Variants in MDGA1 observed in about 807,000 individuals in gnomAD.
MDGA1 encodes the protein MAM domain-containing glycosylphosphatidylinositol anchor protein 1.
MDGA1 carries 54 observed loss-of-function variants against 101.5 expected under a neutral mutation model. The ratio of observed to expected loss-of-function variants is 0.53; its 90% CI spans 0.43 to 0.67. The LOEUF is 0.67. Ranked by LOEUF, MDGA1 falls within the 30% of genes least tolerant of loss-of-function variation. The pLI is 0.00. For missense variants in MDGA1, 1,083 were observed against 1,323.8 expected (o/e 0.82, Z 2.82); for synonymous variants, 533 against 558.3 (o/e 0.95, Z 0.64).
Position 37,635,986 on chromosome 6 carries a change from C to T in MDGA1, c.*1382G>A, listed in dbSNP as rs1763921829. The T allele has an allele frequency of 2.7e-6, 1 of 372,936 alleles. No homozygotes were observed. Among genetic ancestry groups the T allele is most frequent in the Non-Finnish European group, 4.8e-6 (1 of 209,706 alleles). 23.1% of individuals were successfully genotyped at this position (372,936 alleles called of 1,614,324 possible). On this transcript the variant is annotated 3_prime_UTR_variant, in exon 17 of 17. Transcript: ENST00000434837. Reference sequence around the variant, plus strand: ...TTGCACACACAGACCTGTGTTTGCACACACTCCTGCCCAACAATGTACCCA... The same window carrying T: ...TTGCACACACAGACCTGTGTTTGCATACACTCCTGCCCAACAATGTACCCA...
At chr6:37,664,619 A>ACACACACACACACACC (rs1761703664) in intron 1 of MDGA1, among the ~76,000 whole-genome samples, 1 of 150,134 alleles carries the variant, frequency 6.7e-6, no homozygotes, top group Non-Finnish European at 1.5e-5. Flanking sequence ...ACACACACAC[A>ACACACACACACACACC]CACACACACA....
At chr6:37,647,074 G>A in intron 10 of MDGA1, 99 bp downstream of exon 10, 2 of 1,134,298 alleles carry the variant, frequency 1.8e-6, no homozygotes, top group Non-Finnish European at 2.5e-6. Flanking sequence ...ACGTGTCTAA[G>A]CCCCATCTCC....
chr6:37,652,421 CT>C lies in MDGA1; in HGVS notation c.983-82del. The C allele has an allele frequency of 9.1e-7, 1 of 1,098,404 alleles. No homozygotes were observed. The highest frequency in any genetic ancestry group is 1.3e-6 in the Non-Finnish European group (1 of 773,018). 68.0% of individuals were successfully genotyped at this position (1,098,404 alleles called of 1,614,324 possible). A position where few individuals can be genotyped will look rare whatever the true frequency, so the allele number is the denominator to read the frequency against. ...ATGTCCCACCCCAACCCAGACCCAG[CT>C]TCTCCCCTCTAGCTGGCCCTTCTGG... is the stretch of plus-strand genomic sequence containing the variant. On this transcript the variant is annotated intron_variant, in intron 6 of 16. Transcript: ENST00000434837. This position sits in a 1 kb window ranked among gnomAD's most constrained non-coding sequence, Gnocchi z 4.3.
chr6:37,682,558 C>A (rs145682786), intron 1 of MDGA1, among the ~76,000 whole-genome samples: 165 of 152,276 alleles, frequency 1.1e-3, no homozygotes, highest in African/African-American at 3.5e-3. Flanking sequence ...TACCTTTGAC[C>A]TTCCATGATT....
rs901232416 is a variant in MDGA1, at chr6:37,636,503, A to G, written c.*865T>C. 6.6e-6 allele frequency: 1 copy of G among 152,234 alleles called. No individual in the cohort carries two copies. Among genetic ancestry groups the G allele is most frequent in the African/African-American group, 2.4e-5 (1 of 41,454 alleles). 9.4% of individuals were successfully genotyped at this position (152,234 alleles called of 1,614,324 possible). A position where few individuals can be genotyped will look rare whatever the true frequency, so the allele number is the denominator to read the frequency against. On this transcript the variant is annotated 3_prime_UTR_variant, in exon 17 of 17. Coordinates refer to ENST00000434837, the MANE Select transcript of MDGA1 (RefSeq NM_153487.4). ...TTCTCCAAGTCAAGCCTCACCCCAG[A>G]AAATGGGCTGGCCACCGCTCCCCCA...
intron 2 of MDGA1, among the ~76,000 whole-genome samples, chr6:37,662,126 C>T (rs1435740413): frequency 6.7e-6 from 1 of 149,072 alleles, no homozygotes; most frequent in Non-Finnish European, 1.5e-5. Context: ...TGCACAACTA[C>T]ACTCCAGCCT....
In MDGA1 at chr6:37,655,671, T is replaced by C; in HGVS notation, c.579+29A>G. ...CCCCTGTTGGATGCAGGAGAAGTGG[T>C]ATGGGGCGAGCCAGCTGCCCATCCT... On this transcript the variant is annotated intron_variant, in intron 4 of 16. Coordinates refer to ENST00000434837, the MANE Select transcript of MDGA1 (RefSeq NM_153487.4). This position sits in a 1 kb window ranked among gnomAD's most constrained non-coding sequence, Gnocchi z 5.1. The C allele has an allele frequency of 6.4e-7, 1 of 1,556,198 alleles. No individual in the cohort carries two copies. The highest frequency in any genetic ancestry group is 8.7e-7 in the Non-Finnish European group (1 of 1,146,018).
rs145939115 is a variant in MDGA1, at chr6:37,653,286, C to T, written c.983-946G>A. The stretch of plus-strand genomic sequence containing the variant: ...AATAATCTTCTGATGGGAAAAGTAC[C>T]ATCGAAGGAAAAAGTAGTCATTAGT... On this transcript the variant is annotated intron_variant, in intron 6 of 16. Transcript: ENST00000434837. Among the ~76,000 whole-genome samples, 3 of 152,288 alleles carry T rather than the reference C, an allele frequency of 2.0e-5. No individual in the cohort carries two copies. In the East Asian group the frequency reaches 5.8e-4, roughly 29 times the overall value.
rs1214017745 is a variant in MDGA1 at position 37,654,357 on chromosome 6, G to C, written c.899C>G (p.Ala300Gly). Residue 300 changes from alanine to glycine, a missense_variant, in exon 6 of 17, where the codon GCC (alanine) becomes GGC (glycine). Coordinates refer to ENST00000434837, the MANE Select transcript of MDGA1 (RefSeq NM_153487.4). Reference sequence around the variant, plus strand: ...GCAGTTGTAGTAGCCAGAGTCCCGGGCCTGCACTGAAGGGATGCTGAGGGT... The same window carrying C: ...GCAGTTGTAGTAGCCAGAGTCCCGGCCCTGCACTGAAGGGATGCTGAGGGT... The part of the protein sequence containing the change: ...GGTLSIPSVQ[A>G]RDSGYYNCTA... The C allele has an allele frequency of 1.2e-6, 2 of 1,612,328 alleles. No individual in the cohort carries two copies. Among genetic ancestry groups the C allele is most frequent in the Admixed American group, 3.3e-5 (2 of 59,828 alleles).
chr6:37,664,235 G>A, intron 1 of MDGA1, 129 bp from the exon 2 acceptor site: 1 of 1,175,744 alleles, frequency 8.5e-7, no homozygotes, highest in Non-Finnish European at 1.2e-6. Context: ...TCAGAGGCCT[G>A]ACCCCACTGA....
rs1761437275 is a variant in MDGA1 at position 37,654,483 on chromosome 6, ACATTCTCC to A, written c.765_772del (p.Glu256AspfsTer10). On this transcript the variant is annotated frameshift_variant, in exon 6 of 17. Coordinates refer to ENST00000434837, the MANE Select transcript of MDGA1 (RefSeq NM_153487.4). LOFTEE classifies it high-confidence loss of function. ...GCCTGTCAGCAGACACTGCACCGTC[ACATTCTCC>A]CCAGGGTTCACCACCAGAGTTTCGT... 1 of 1,613,918 alleles carries A rather than the reference ACATTCTCC, an allele frequency of 6.2e-7. No individual in the cohort carries two copies. The highest frequency in any genetic ancestry group is 8.5e-7 in the Non-Finnish European group (1 of 1,179,900).
chr6:37,651,671 A>C (rs1761363238), intron 7 of MDGA1, among the ~76,000 whole-genome samples: 1 of 152,220 alleles, frequency 6.6e-6, no homozygotes, highest in African/African-American at 2.4e-5. Context: ...GCTAAAGAGT[A>C]GTCTCTCCCT....
At chr6:37,645,872 C>A (rs1761180649) in intron 12 of MDGA1, 61 bp downstream of exon 12, 5 of 1,581,996 alleles carry the variant, frequency 3.2e-6, no homozygotes, top group Non-Finnish European at 4.3e-6. Context: ...CTTTCTCTCA[C>A]CAGGAGAGCC....
chr6:37,648,683 AGGCATAGGCGG>A (rs1761277625), intron 9 of MDGA1: 10 of 515,432 alleles, frequency 1.9e-5, no homozygotes, highest in African/African-American at 6.1e-5. Context: ...GGACTGGTAT[AGGCATAGGCGG>A]GCCTTGGAAG....
rs748032858 is a variant in MDGA1, at chr6:37,652,243, A to G, written c.1080T>C (p.Asp360=). ...GQDLKLSCHV[D]AVPQEKVTYQ... Reference sequence around the variant, plus strand: ...AGGTCACCTTCTCCTGGGGCACTGCATCCACGTGGCACGATAGCTTCAGGT... The same window carrying G: ...AGGTCACCTTCTCCTGGGGCACTGCGTCCACGTGGCACGATAGCTTCAGGT... Residue 360 remains aspartate (D), a synonymous_variant, in exon 7 of 17, where the codon GAT becomes GAC. Transcript: ENST00000434837. This position sits in a 1 kb window ranked among gnomAD's most constrained non-coding sequence, Gnocchi z 4.3. 4.3e-6 allele frequency: 7 copies of G among 1,614,022 alleles called. No homozygotes were observed. Among genetic ancestry groups the G allele is most frequent in the Non-Finnish European group, 5.9e-6 (7 of 1,179,888 alleles).
At chr6:37,668,882 C>G (rs1383734301) in intron 1 of MDGA1, among the ~76,000 whole-genome samples, 1 of 152,160 alleles carries the variant, frequency 6.6e-6, no homozygotes, top group Non-Finnish European at 1.5e-5. Context: ...GAGTCTAGCT[C>G]TGTCGCCCAG....
At position 37,652,039 on chromosome 6, in the gene MDGA1, G is replaced by A. The variant is rs199847584; in HGVS notation, c.1284C>T (p.Ser428=). Residue 428 remains serine (S), a synonymous_variant, in exon 7 of 17, where the codon AGC becomes AGT. Transcript: ENST00000434837. The surrounding 1 kb of genome is among the most constrained non-coding windows in gnomAD (Gnocchi z 4.3). ...TCTCAGAGGAGATGTTGACCTCGAC[G>A]CTGAGGTCGGGCACGGGTGCCCCTG... The part of the protein sequence containing the change: ...SFPGAPVPDL[S]VEVNISSETV... 4.1e-5 allele frequency: 66 copies of A among 1,605,662 alleles called. 1 individual carries two copies. The highest frequency in any genetic ancestry group is 3.3e-4 in the Middle Eastern group (2 of 6,044).
At chr6:37,660,049 T>TA (rs56296816) in intron 2 of MDGA1, among the ~76,000 whole-genome samples, 1 of 151,492 alleles carries the variant, frequency 6.6e-6, no homozygotes, top group Non-Finnish European at 1.5e-5. Context: ...TTTTTTTTTT[T>TA]AATCACTAGA....
intron 1 of MDGA1, among the ~76,000 whole-genome samples, chr6:37,675,402 T>C (rs940752535): frequency 1.3e-5 from 2 of 152,142 alleles, no homozygotes; most frequent in Admixed American, 1.3e-4. Flanking sequence ...CAGTGACTTG[T>C]ACTCAGCAGG....
Sources: allele counts gnomAD v4.1 joint callset (sites outside exome capture counted in the v4.1 genomes callset), GRCh38; gene constraint gnomAD v4.1.1; non-coding constraint Gnocchi (gnomAD v3.1); transcripts MANE v1.5; gene names NCBI Gene and HGNC (gene_info 2026-07-23, HGNC 2026-07-21).